HCRTR2: variants seen among roughly 807,000 people sequenced by gnomAD.
HCRTR2 encodes orexin receptor type 2.
HCRTR2 carries 22 observed loss-of-function variants against 49.0 expected under a neutral mutation model. The observed-to-expected ratio is 0.45, with a 90% confidence interval of 0.32 to 0.64. The LOEUF (loss-of-function observed/expected upper bound fraction) is 0.64, where lower values mean the gene tolerates loss of function less well. HCRTR2 is among the 30% of genes least tolerant of loss of function. The probability of loss-of-function intolerance (pLI) is 0.04; values close to 1 mark genes in which losing one functional copy is unlikely to be tolerated. For missense variants in HCRTR2, 491 were observed against 559.4 expected, an observed-to-expected ratio of 0.88 and a Z score of 1.23; for synonymous variants, 236 against 205.3, an observed-to-expected ratio of 1.15 and a Z score of -1.28.
chr6:55,238,538 T>C (rs552757759), intron 1 of HCRTR2, among the ~76,000 whole-genome samples: 71 of 152,236 alleles, frequency 4.7e-4, no homozygotes, highest in Admixed American at 9.8e-4. Flanking sequence ...TATCCAAATG[T>C]TTTAACTGAA....
rs75087277 is a variant in HCRTR2, at chr6:55,169,484, G to A, written c.-377-4727G>A. 1.0e-3 allele frequency among the ~76,000 whole-genome samples: 154 copies of A among 151,902 alleles called. 3 individuals carry two copies. In the East Asian group the frequency reaches 0.019, roughly 19 times the overall value. ...TTTCATTCTCTGTAGCCCACCGAGA[G>A]TGCGTACAGTGACACATGTTATGTA... On this transcript the variant is annotated intron_variant, in intron 1 of 7. Transcript: ENST00000615358.
chr6:55,203,456 T>G (rs571509011), intron 1 of HCRTR2, among the ~76,000 whole-genome samples: 3 of 152,276 alleles, frequency 2.0e-5, no homozygotes, highest in Admixed American at 2.0e-4. Flanking sequence ...ACAAAACAAA[T>G]CCTGTCTTCC....
chr6:55,272,501 G>A (rs950912330), intron 4 of HCRTR2, among the ~76,000 whole-genome samples: 1 of 151,840 alleles, frequency 6.6e-6, no homozygotes, highest in African/African-American at 2.4e-5. Context: ...AAAGCAGTGA[G>A]GTTTATGGTA....
intron 1 of HCRTR2, among the ~76,000 whole-genome samples, chr6:55,193,410 C>T (rs1020443308): frequency 4.6e-5 from 7 of 152,006 alleles, no homozygotes; most frequent in Admixed American, 1.3e-4. Context: ...AAGAAAAAGC[C>T]GACAGTGTTG....
chr6:55,116,715 G>GAAAGAAAA (rs1764121897), intron 1 of HCRTR2, among the ~76,000 whole-genome samples: 1 of 88,520 alleles, frequency 1.1e-5, no homozygotes, highest in African/African-American at 3.9e-5. Context: ...AAGAGAGAGA[G>GAAAGAAAA]AAAAAAAAAA....
intron 1 of HCRTR2, among the ~76,000 whole-genome samples, chr6:55,191,674 C>G (rs1038628640): frequency 1.3e-5 from 2 of 151,994 alleles, no homozygotes; most frequent in African/African-American, 4.8e-5. Flanking sequence ...AAAACTTCAG[C>G]AACAATATTG....
At chr6:55,232,427 T>C (rs1196151902) in intron 1 of HCRTR2, among the ~76,000 whole-genome samples, 1 of 152,196 alleles carries the variant, frequency 6.6e-6, no homozygotes, top group African/African-American at 2.4e-5. Context: ...TGTTGTTCTT[T>C]CCTTGAATAG....
chr6:55,217,347 T>C (rs1384163840), intron 1 of HCRTR2, among the ~76,000 whole-genome samples: 1 of 152,228 alleles, frequency 6.6e-6, no homozygotes, highest in Non-Finnish European at 1.5e-5. Context: ...TGCAAACTTT[T>C]CAAATCATTT....
intron 1 of HCRTR2, among the ~76,000 whole-genome samples, chr6:55,108,365 C>T (rs148712191): frequency 8.2e-4 from 125 of 152,178 alleles, no homozygotes; most frequent in African/African-American, 2.9e-3. Context: ...AAAGAATTCA[C>T]AGACCCTTTG....
intron 1 of HCRTR2, among the ~76,000 whole-genome samples, chr6:55,243,462 T>C (rs1485935624): frequency 6.6e-6 from 1 of 152,178 alleles, no homozygotes; most frequent in African/African-American, 2.4e-5. Flanking sequence ...ACTTTATGTC[T>C]AAGAGAATAT....
At chr6:55,269,831 G>A (rs1204227933) in intron 4 of HCRTR2, among the ~76,000 whole-genome samples, 1 of 152,076 alleles carries the variant, frequency 6.6e-6, no homozygotes, top group Non-Finnish European at 1.5e-5. Context: ...TGGTGGTGCA[G>A]TGCAAGACTA....
chr6:55,133,666 T>TATC (rs1009824476), intron 1 of HCRTR2, among the ~76,000 whole-genome samples: 1 of 34,080 alleles, frequency 2.9e-5, no homozygotes, highest in African/African-American at 1.0e-4. Flanking sequence ...ATCTATCATC[T>TATC]ATCTATCTAT....
In HCRTR2 at chr6:55,166,130, T is replaced by C. The variant is rs1299246692; in HGVS notation, c.-377-8081T>C. ...TTGCTGATATGATGTACCACATTTA[T>C]TGATTTGCATTTATTGAATCATCCT... On this transcript the variant is annotated intron_variant, in intron 1 of 7. Transcript: ENST00000615358. Among the ~76,000 whole-genome samples, 4 of 152,150 alleles carry C rather than the reference T, an allele frequency of 2.6e-5. No individual in the cohort carries two copies. The East Asian group carries it at 7.7e-4, about 29-fold the overall frequency.
chr6:55,157,877 T>A (rs1276456154), intron 1 of HCRTR2, among the ~76,000 whole-genome samples: 1 of 152,204 alleles, frequency 6.6e-6, no homozygotes, highest in Admixed American at 6.5e-5. Flanking sequence ...TCAAGTCCCA[T>A]TTGATACCTG....
intron 1 of HCRTR2, among the ~76,000 whole-genome samples, chr6:55,217,579 T>G (rs75847679): frequency 0.011 from 1,690 of 152,304 alleles, 25 homozygotes; most frequent in African/African-American, 0.039. Context: ...TGCTACTTTA[T>G]ACCAAGTATG....
At chr6:55,195,078 A>G (rs1301711079) in intron 1 of HCRTR2, among the ~76,000 whole-genome samples, 1 of 152,136 alleles carries the variant, frequency 6.6e-6, no homozygotes, top group East Asian at 1.9e-4. Context: ...TAATTATCAG[A>G]TTATTTACTT....
At chr6:55,250,405 A>G (rs1157362899) in intron 2 of HCRTR2, among the ~76,000 whole-genome samples, 4 of 152,172 alleles carry the variant, frequency 2.6e-5, no homozygotes, top group Admixed American at 2.0e-4. Flanking sequence ...TACTTCCAGA[A>G]AGCCTTTTAC....
intron 4 of HCRTR2, 95 bp from the exon 5 acceptor site, chr6:55,277,285 T>C (rs570560136): frequency 5.9e-6 from 6 of 1,020,492 alleles, no homozygotes; most frequent in East Asian, 4.9e-5. Flanking sequence ...CTCAGGCGTC[T>C]GGAAGCCTTT....
intron 1 of HCRTR2, among the ~76,000 whole-genome samples, chr6:55,224,986 A>G (rs1486028291): frequency 6.6e-6 from 1 of 152,186 alleles, no homozygotes; most frequent in East Asian, 1.9e-4. Flanking sequence ...TCAAATTGCT[A>G]AGAGAGTAGA....
Sources: allele counts gnomAD v4.1 joint callset (sites outside exome capture counted in the v4.1 genomes callset), GRCh38; gene constraint gnomAD v4.1.1; transcripts MANE v1.5; gene names NCBI Gene and HGNC (gene_info 2026-07-23, HGNC 2026-07-21).